DSG1: variants seen among roughly 807,000 people sequenced by gnomAD.
DSG1 encodes the protein desmoglein-1.
Under a neutral mutation model 97.5 loss-of-function variants are expected in DSG1, and 39 were observed. That is an observed-to-expected ratio of 0.40 (90% CI 0.31 to 0.52). The LOEUF (loss-of-function observed/expected upper bound fraction) is 0.52. DSG1 is among the 20% of genes least tolerant of loss of function. The pLI is 0.53. For synonymous variants in DSG1, 475 were observed against 443.4 expected, an observed-to-expected ratio of 1.07 and a Z score of -0.90; for missense variants, 1,311 against 1,295.4, an observed-to-expected ratio of 1.01 and a Z score of -0.18.
chr18:31,338,227 A>G, intron 9 of DSG1, 88 bp from the exon 10 acceptor site: 1 of 1,334,934 alleles, frequency 7.5e-7, no homozygotes, highest in Non-Finnish European at 1.0e-6. Context: ...GATTATAATT[A>G]CTCACTGAAA....
rs148502408 is a variant in DSG1, at chr18:31,354,771, G to T, written c.2575G>T (p.Ala859Ser). 6.2e-7 allele frequency: 1 copy of T among 1,614,138 alleles called. No individual in the cohort carries two copies. Among genetic ancestry groups the T allele is most frequent in the East Asian group, 2.2e-5 (1 of 44,870 alleles). ...PSVHVHDNRP[A>S]SNVVVTERVV... The stretch of plus-strand genomic sequence containing the variant: ...TGTGCACGTTCACGATAACCGACCA[G>T]CATCAAACGTGGTAGTGACAGAGAG... The change falls in exon 15 of 15, where the codon GCA becomes TCA. Residue 859 changes from alanine (A) to serine (S), a missense_variant. This residue lies in a region of DSG1 where 1,038 missense variants were observed against 964.6 expected (regional missense o/e 1.08). Transcript: ENST00000257192.
intron 9 of DSG1, 124 bp from the exon 10 acceptor site, chr18:31,338,191 T>C (rs1406327051): frequency 9.8e-7 from 1 of 1,020,762 alleles, no homozygotes; most frequent in Non-Finnish European, 1.5e-6. Flanking sequence ...AAATAAAGTC[T>C]CTAGTAATTG....
At chr18:31,346,280 C>CT in intron 14 of DSG1, 82 bp downstream of exon 14, 1 of 1,183,140 alleles carries the variant, frequency 8.5e-7, no homozygotes, top group East Asian at 2.4e-5. Context: ...CCTAAAGGGG[C>CT]TTTGGCAGGA....
At chr18:31,321,820 C>G (rs1598695507) in intron 1 of DSG1, among the ~76,000 whole-genome samples, 1 of 152,300 alleles carries the variant, frequency 6.6e-6, no homozygotes, top group Admixed American at 6.5e-5. Flanking sequence ...TCTGGTAACT[C>G]TTTCTCCACA....
Position 31,333,605 on chromosome 18 carries a change from C to A in DSG1, c.701C>A (p.Ala234Asp). 6.2e-7 allele frequency: 1 copy of A among 1,613,812 alleles called. No homozygotes were observed. The highest frequency in any genetic ancestry group is 8.5e-7 in the Non-Finnish European group (1 of 1,179,796). ...FLDREQYGQY[A>D]LAVRGSDRDG... ...TATTTTTAGCAATACGGCCAGTATGCTCTTGCTGTAAGAGGCTCTGACCGA... is the reference window on the plus strand; with the variant it reads ...TATTTTTAGCAATACGGCCAGTATGATCTTGCTGTAAGAGGCTCTGACCGA... The change falls in exon 7 of 15, where the codon GCT (alanine) becomes GAT (aspartate). Residue 234 changes from alanine (A) to aspartate (D), a missense_variant. This residue lies in a region of DSG1 where 259 missense variants were observed against 304.1 expected (regional missense o/e 0.85). Coordinates refer to ENST00000257192, the MANE Select transcript of DSG1 (RefSeq NM_001942.4).
At chr18:31,345,404 A>C (rs2071823957) in intron 13 of DSG1, 1 of 152,516 alleles carries the variant, frequency 6.6e-6, no homozygotes, top group African/African-American at 2.4e-5. Context: ...CATCCTGTGC[A>C]GGGGCAATCC....
chr18:31,326,727 C>T (rs938722029), intron 2 of DSG1, 111 bp downstream of exon 2: 35 of 1,315,868 alleles, frequency 2.7e-5, no homozygotes, highest in Non-Finnish European at 3.4e-5. Flanking sequence ...TCATATAATG[C>T]TAAAATTAAT....
chr18:31,343,222 A>G, intron 11 of DSG1: 1 of 542,074 alleles, frequency 1.8e-6, no homozygotes, highest in Non-Finnish European at 3.2e-6. Context: ...CACTATTTGT[A>G]ATTTTTAATA....
At chr18:31,343,774 A>C in intron 12 of DSG1, 152 bp from the exon 13 acceptor site, 6 of 1,146,740 alleles carry the variant, frequency 5.2e-6, no homozygotes, top group Non-Finnish European at 7.6e-6. Flanking sequence ...TTTCTAAGTG[A>C]AGTTCAAATT....
At chr18:31,337,410 C>G (rs1400288233) in intron 9 of DSG1, among the ~76,000 whole-genome samples, 2 of 152,114 alleles carry the variant, frequency 1.3e-5, no homozygotes, top group African/African-American at 4.8e-5. Context: ...GCACCTGCTA[C>G]CACGCCCAGC....
intron 3 of DSG1, 95 bp from the exon 4 acceptor site, chr18:31,328,094 T>C: frequency 1.5e-6 from 2 of 1,303,784 alleles, no homozygotes; most frequent in Non-Finnish European, 2.2e-6. Context: ...AATAACAAGG[T>C]CATCACATGC....
intron 3 of DSG1, among the ~76,000 whole-genome samples, chr18:31,327,430 A>G (rs1211908766): frequency 6.6e-6 from 1 of 151,692 alleles, no homozygotes; most frequent in Non-Finnish European, 1.5e-5. Context: ...TTTTCTATTC[A>G]TTTTTCCATA....
intron 13 of DSG1, among the ~76,000 whole-genome samples, chr18:31,344,441 T>G (rs1175873206): frequency 6.6e-6 from 1 of 152,228 alleles, no homozygotes; most frequent in Non-Finnish European, 1.5e-5. Flanking sequence ...ACAATTAATT[T>G]AAGGATTCAA....
At position 31,328,189 on chromosome 18, in the gene DSG1, A is replaced by T. The variant is rs1380198566; in HGVS notation, c.217A>T (p.Ile73Phe). Reference sequence around the variant, plus strand: ...ATTTTTACTTGTGTTCCTTCTGCAGATTCACTCAGATTGTGCTGCAAACCA... The same window carrying T: ...ATTTTTACTTGTGTTCCTTCTGCAGTTTCACTCAGATTGTGCTGCAAACCA... ...DNSKRNPIAK[I>F]HSDCAANQQV... The change falls in exon 4 of 15, where the codon ATT becomes TTT. Residue 73 changes from isoleucine (I) to phenylalanine (F), a missense_variant and splice_region_variant. By Grantham distance (21) the Ile-to-Phe change is conservative (BLOSUM62 0). Around this residue, in one of 3 missense-constraint regions of DSG1, gnomAD observed 259 missense variants for 304.1 expected, o/e 0.85. Transcript: ENST00000257192. 1 of 1,613,338 alleles carries T rather than the reference A, an allele frequency of 6.2e-7. No individual in the cohort carries two copies. The highest frequency in any genetic ancestry group is 1.7e-5 in the Admixed American group (1 of 59,992).
intron 14 of DSG1, chr18:31,347,860 A>T (rs2071854565): frequency 6.6e-6 from 1 of 152,070 alleles, no homozygotes; most frequent in Admixed American, 6.5e-5. Flanking sequence ...ACCCAACTCA[A>T]CTATGAACTA....
chr18:31,344,618 A>C (rs1464173600), intron 13 of DSG1, among the ~76,000 whole-genome samples: 1 of 152,366 alleles, frequency 6.6e-6, no homozygotes, highest in African/African-American at 2.4e-5. Context: ...GATTGTGTGC[A>C]CATGGTGGAG....
In DSG1 at chr18:31,328,342, A is replaced by C. The variant is rs980280280; in HGVS notation, c.370A>C (p.Ile124Leu). The change falls in exon 4 of 15, where the codon ATT (isoleucine) becomes CTT (leucine). Residue 124 changes from isoleucine (I) to leucine (L), a missense_variant and splice_region_variant. Coordinates refer to ENST00000257192, the MANE Select transcript of DSG1 (RefSeq NM_001942.4). ...IVDREVTPFF[I>L]IYCRALNSMG... is the part of the protein sequence containing the mutation. ...TGATCGAGAGGTCACTCCTTTCTTCATTGTAAGTGGACTTCATGTCAATAT... is the reference window on the plus strand; with the variant it reads ...TGATCGAGAGGTCACTCCTTTCTTCCTTGTAAGTGGACTTCATGTCAATAT... 2.5e-6 allele frequency: 4 copies of C among 1,612,492 alleles called. No homozygotes were observed. Among genetic ancestry groups the C allele is most frequent in the Non-Finnish European group, 3.4e-6 (4 of 1,178,724 alleles).
chr18:31,326,119 A>AT (rs1211931577), intron 1 of DSG1, among the ~76,000 whole-genome samples: 1 of 151,930 alleles, frequency 6.6e-6, no homozygotes, highest in East Asian at 1.9e-4. Flanking sequence ...TATTGTGGCA[A>AT]TTTTTTTAAA....
chr18:31,326,898 G>C lies in DSG1; in HGVS notation c.109G>C (p.Gly37Arg). The C allele has an allele frequency of 6.2e-7, 1 of 1,613,680 alleles. No homozygotes were observed. The stretch of plus-strand genomic sequence containing the variant: ...GGTAAGAGATTATAACACTAAAAAT[G>C]GCACCATCAAATGGCATTCAATCCG... ...IQVRDYNTKN[G>R]TIKWHSIRRQ... Residue 37 changes from glycine to arginine, a missense_variant, in exon 3 of 15, where the codon GGC becomes CGC. Physicochemically the swap from Gly to Arg is moderately radical, Grantham distance 125 (BLOSUM62 -2). Around this residue, in one of 3 missense-constraint regions of DSG1, gnomAD observed 259 missense variants for 304.1 expected, o/e 0.85. Coordinates refer to ENST00000257192, the MANE Select transcript of DSG1 (RefSeq NM_001942.4).
Sources: allele counts gnomAD v4.1 joint callset (sites outside exome capture counted in the v4.1 genomes callset), GRCh38; gene constraint gnomAD v4.1.1; regional missense constraint gnomAD v4.1.1; transcripts MANE v1.5; gene names NCBI Gene and HGNC (gene_info 2026-07-23, HGNC 2026-07-21).